TUBAL3: variants seen among roughly 807,000 people sequenced by gnomAD.
The protein encoded by TUBAL3 is tubulin alpha chain-like 3.
TUBAL3 carries 16 observed loss-of-function variants against 15.5 expected under a neutral mutation model. The ratio of observed to expected loss-of-function variants is 1.04; its 90% CI spans 0.70 to 1.57. The LOEUF (loss-of-function observed/expected upper bound fraction) is 1.57. TUBAL3 is among the 40% of genes most tolerant of loss of function. The pLI, the probability that TUBAL3 is intolerant of heterozygous loss-of-function variation, is 0.00. For synonymous variants in TUBAL3, 238 were observed against 224.3 expected, an observed-to-expected ratio of 1.06 and a Z score of -0.55; for missense variants, 609 against 576.2, an observed-to-expected ratio of 1.06 and a Z score of -0.58.
rs1384869004 is a variant in TUBAL3, at chr10:5,401,032, C to G, written c.59G>C (p.Cys20Ser). 3.7e-6 allele frequency: 6 copies of G among 1,614,074 alleles called. No homozygotes were observed. The highest frequency in any genetic ancestry group is 5.1e-6 in the Non-Finnish European group (6 of 1,180,040). ...GQAGIQIGDA[C>S]WELYCLEHGI... ...ATGTTCCAGGCAATAGAGTTCCCAG[C>G]AGGCGTCCCCAATCTGGATGCCAGC... Residue 20 changes from cysteine (C) to serine (S), a missense_variant, in exon 2 of 4, where the codon TGC (cysteine) becomes TCC (serine). Coordinates refer to ENST00000380419, the MANE Select transcript of TUBAL3 (RefSeq NM_024803.3).
At chr10:5,403,178 A>G (rs550827929) in intron 1 of TUBAL3, among the ~76,000 whole-genome samples, 61 of 152,300 alleles carry the variant, frequency 4.0e-4, no homozygotes, top group African/African-American at 1.4e-3. Flanking sequence ...AGGACAAACT[A>G]ATATTCCACC....
In TUBAL3 at chr10:5,395,482, A is replaced by T; in HGVS notation, c.248-7T>A. On this transcript the variant is annotated splice_polypyrimidine_tract_variant and splice_region_variant and intron_variant, in intron 2 of 3. Transcript: ENST00000380419. This position sits in a 1 kb window ranked among gnomAD's most constrained non-coding sequence, Gnocchi z 4.6. ...TGGCCCGTCCGGATCCCATCTGCAG[A>T]GGGTGAAAGGAGGTCAGTGCAACTC... is the stretch of plus-strand genomic sequence containing the variant. 6.7e-7 allele frequency: 1 copy of T among 1,501,742 alleles called. No homozygotes were observed. The highest frequency in any genetic ancestry group is 9.0e-7 in the Non-Finnish European group (1 of 1,113,426). 93.0% of individuals were successfully genotyped at this position (1,501,742 alleles called of 1,614,324 possible).
Position 5,394,704 on chromosome 10 carries a change from C to G in TUBAL3, c.397-243G>C, listed in dbSNP as rs1264458448. ...AGCATAAATATCCACCTGTCTTTCA[C>G]TGACCTCTGTGCATTTATCGGTATG... On this transcript the variant is annotated intron_variant, in intron 3 of 3. Coordinates refer to ENST00000380419, the MANE Select transcript of TUBAL3 (RefSeq NM_024803.3). The surrounding 1 kb of genome is among the most constrained non-coding windows in gnomAD (Gnocchi z 4.3). 2.0e-5 allele frequency among the ~76,000 whole-genome samples: 3 copies of G among 152,202 alleles called. No individual in the cohort carries two copies. Among genetic ancestry groups the G allele is most frequent in the African/African-American group, 7.2e-5 (3 of 41,448 alleles).
intron 2 of TUBAL3, among the ~76,000 whole-genome samples, chr10:5,398,356 G>T (rs1330448548): frequency 6.7e-6 from 1 of 149,226 alleles, no homozygotes; most frequent in East Asian, 2.0e-4. Context: ...GGAGGCACAG[G>T]TTGCAGTGAG....
rs1554814930 is a variant in TUBAL3 at position 5,404,816 on chromosome 10, G to C, written c.-24C>G. 2.5e-6 allele frequency: 4 copies of C among 1,612,908 alleles called. No homozygotes were observed. Among genetic ancestry groups the C allele is most frequent in the Non-Finnish European group, 3.4e-6 (4 of 1,179,216 alleles). On this transcript the variant is annotated 5_prime_UTR_variant, in exon 1 of 4. Coordinates refer to ENST00000380419, the MANE Select transcript of TUBAL3 (RefSeq NM_024803.3). ...ATGCTGATGAGAACGTGCCCTTCCT[G>C]CCCTGTAGTAATGACTGAGGAGCCT...
Position 5,395,478 on chromosome 10 carries a change from G to A in TUBAL3, c.248-3C>T. On this transcript the variant is annotated splice_polypyrimidine_tract_variant and splice_region_variant and intron_variant, in intron 2 of 3. Transcript: ENST00000380419. The surrounding 1 kb of genome is among the most constrained non-coding windows in gnomAD (Gnocchi z 4.6). ...GTGCTGGCCCGTCCGGATCCCATCT[G>A]CAGAGGGTGAAAGGAGGTCAGTGCA... 2.0e-6 allele frequency: 3 copies of A among 1,517,106 alleles called. No homozygotes were observed. The highest frequency in any genetic ancestry group is 2.5e-5 in the South Asian group (2 of 78,642). 94.0% of individuals were successfully genotyped at this position (1,517,106 alleles called of 1,614,324 possible).
In TUBAL3 at chr10:5,393,436, A is replaced by T; in HGVS notation, c.*81T>A. 7.8e-7 allele frequency: 1 copy of T among 1,275,752 alleles called. No homozygotes were observed. The highest frequency in any genetic ancestry group is 1.1e-6 in the Non-Finnish European group (1 of 927,178). 79.0% of individuals were successfully genotyped at this position (1,275,752 alleles called of 1,614,324 possible). On this transcript the variant is annotated 3_prime_UTR_variant, in exon 4 of 4. Coordinates refer to ENST00000380419, the MANE Select transcript of TUBAL3 (RefSeq NM_024803.3). ...GTTCATTTTTCTGCTCATCAGGGGA[A>T]CTACCCACTAGGCATATAACGGCTT... is the stretch of plus-strand genomic sequence containing the variant.
Position 5,395,598 on chromosome 10 carries a change from AG to A in TUBAL3, c.248-124del. ...ATGCTTTCTCTCAATATTGTGGTCC[AG>A]GAATGGAATTTAGATAGTGCTGAAT... On this transcript the variant is annotated intron_variant, in intron 2 of 3. Transcript: ENST00000380419. This position sits in a 1 kb window ranked among gnomAD's most constrained non-coding sequence, Gnocchi z 4.6. 1 of 1,133,224 alleles carries A rather than the reference AG, an allele frequency of 8.8e-7. No homozygotes were observed. Among genetic ancestry groups the A allele is most frequent in the Non-Finnish European group, 1.2e-6 (1 of 849,092 alleles). 70.2% of individuals were successfully genotyped at this position (1,133,224 alleles called of 1,614,324 possible).
rs929940295 is a variant in TUBAL3, at chr10:5,393,445, T to C, written c.*72A>G. 37 of 1,362,878 alleles carry C rather than the reference T, an allele frequency of 2.7e-5. No individual in the cohort carries two copies. The highest frequency in any genetic ancestry group is 3.6e-5 in the Non-Finnish European group (36 of 1,000,640). 84.4% of individuals were successfully genotyped at this position (1,362,878 alleles called of 1,614,324 possible). Reference sequence around the variant, plus strand: ...TCTGCTCATCAGGGGAACTACCCACTAGGCATATAACGGCTTGAAAAGAAA... The same window carrying C: ...TCTGCTCATCAGGGGAACTACCCACCAGGCATATAACGGCTTGAAAAGAAA... On this transcript the variant is annotated 3_prime_UTR_variant, in exon 4 of 4. Transcript: ENST00000380419.
rs934260221 is a variant in TUBAL3 at position 5,394,477 on chromosome 10, G to A, written c.397-16C>T. 1.9e-6 allele frequency: 3 copies of A among 1,566,132 alleles called. No homozygotes were observed. In the African/African-American group the frequency reaches 4.1e-5, roughly 21 times the overall value. On this transcript the variant is annotated splice_polypyrimidine_tract_variant and intron_variant, in intron 3 of 3. Coordinates refer to ENST00000380419, the MANE Select transcript of TUBAL3 (RefSeq NM_024803.3). This position sits in a 1 kb window ranked among gnomAD's most constrained non-coding sequence, Gnocchi z 4.3. The stretch of plus-strand genomic sequence containing the variant: ...ACTGTTCTGCCTGGAGAAAGTAAAT[G>A]AGATGTGAGAATTCAGCTGAATAAA...
rs1831736223 is a variant in TUBAL3, at chr10:5,394,733, T to C, written c.397-272A>G. ...CCTCTGTGCATTTATCGGTATGTGA[T>C]CGCAAACAAGGCCTTCATCAATAAC... is the stretch of plus-strand genomic sequence containing the variant. On this transcript the variant is annotated intron_variant, in intron 3 of 3. Coordinates refer to ENST00000380419, the MANE Select transcript of TUBAL3 (RefSeq NM_024803.3). This position sits in a 1 kb window ranked among gnomAD's most constrained non-coding sequence, Gnocchi z 4.3. 6.6e-6 allele frequency among the ~76,000 whole-genome samples: 1 copy of C among 152,232 alleles called. No individual in the cohort carries two copies. Among genetic ancestry groups the C allele is most frequent in the African/African-American group, 2.4e-5 (1 of 41,462 alleles).
rs1184547569 is a variant in TUBAL3 at position 5,393,228 on chromosome 10, T to C, written c.*289A>G. ...GAAAAGCATAAACTTCAGGATTTCA[T>C]TGTCTCTTGGTAAAACAAAAAAATC... On this transcript the variant is annotated 3_prime_UTR_variant, in exon 4 of 4. Coordinates refer to ENST00000380419, the MANE Select transcript of TUBAL3 (RefSeq NM_024803.3). The C allele has an allele frequency of 6.3e-6, 2 of 319,152 alleles. No homozygotes were observed. Among genetic ancestry groups the C allele is most frequent in the Non-Finnish European group, 1.1e-5 (2 of 175,748 alleles). The allele number at this position is 319,152 out of a possible 1,614,324, so 19.8% of individuals were successfully genotyped here.
Position 5,400,912 on chromosome 10 carries a change from A to T in TUBAL3, c.179T>A (p.Phe60Tyr), listed in dbSNP as rs782561379. 8 of 1,614,232 alleles carry T rather than the reference A, an allele frequency of 5.0e-6. No individual in the cohort carries two copies. The South Asian group carries it at 8.8e-5, about 18-fold the overall frequency. Residue 60 changes from phenylalanine to tyrosine, a missense_variant, in exon 2 of 4, where the codon TTC becomes TAC. Physicochemically the swap from Phe to Tyr is conservative, Grantham distance 22. Coordinates refer to ENST00000380419, the MANE Select transcript of TUBAL3 (RefSeq NM_024803.3). ...EHTNASFDTF[F>Y]CETRAGKHVP... ...ATGCTTCCCAGCTCTTGTCTCACAG[A>T]AGAAGGTATCGAAAGATGCATTTGT...
At chr10:5,400,793 T>C (rs1463488005) in intron 2 of TUBAL3, 51 bp downstream of exon 2, 1 of 1,608,564 alleles carries the variant, frequency 6.2e-7, no homozygotes, top group African/African-American at 1.3e-5. Flanking sequence ...CCACTTGATT[T>C]GTTTGAGTGT....
chr10:5,395,373 A>G lies in TUBAL3; in HGVS notation c.350T>C (p.Val117Ala). Residue 117 changes from valine (V) to alanine (A), a missense_variant, in exon 3 of 4, where the codon GTG becomes GCG. Coordinates refer to ENST00000380419, the MANE Select transcript of TUBAL3 (RefSeq NM_024803.3). This position sits in a 1 kb window ranked among gnomAD's most constrained non-coding sequence, Gnocchi z 4.6. ...CACAAGGTCGATGACCTCCGACCCC[A>G]CAGAGTAACGGCCTCGCGCGTAATT... ...ANNYARGRYS[V>A]GSEVIDLVLE... The G allele has an allele frequency of 6.2e-7, 1 of 1,604,852 alleles. No homozygotes were observed. The highest frequency in any genetic ancestry group is 1.7e-5 in the Admixed American group (1 of 59,306).
At chr10:5,403,752 C>T (rs1169105934) in intron 1 of TUBAL3, among the ~76,000 whole-genome samples, 2 of 151,640 alleles carry the variant, frequency 1.3e-5, no homozygotes, top group Non-Finnish European at 2.9e-5. Context: ...CCTTTTTTTC[C>T]AAATTCTCTA....
At chr10:5,403,389 A>C (rs1369286367) in intron 1 of TUBAL3, among the ~76,000 whole-genome samples, 1 of 152,232 alleles carries the variant, frequency 6.6e-6, no homozygotes, top group Non-Finnish European at 1.5e-5. Context: ...TTGTTTCTAC[A>C]TCATTAAAAC....
In TUBAL3 at chr10:5,397,797, G is replaced by A. The variant is rs889426133; in HGVS notation, c.248-2322C>T. Among the ~76,000 whole-genome samples, 1 of 152,104 alleles carries A rather than the reference G, an allele frequency of 6.6e-6. No homozygotes were observed. Among genetic ancestry groups the A allele is most frequent in the Non-Finnish European group, 1.5e-5 (1 of 68,028 alleles). On this transcript the variant is annotated intron_variant, in intron 2 of 3. Coordinates refer to ENST00000380419, the MANE Select transcript of TUBAL3 (RefSeq NM_024803.3). This position sits in a 1 kb window ranked among gnomAD's most constrained non-coding sequence, Gnocchi z 4.9. ...CTCCCACTTCCAAAATCTTAAACAT[G>A]CAAATTCCTTTTTCTGACCACAACT...
chr10:5,400,840 G>A lies in TUBAL3; in HGVS notation c.247+4C>T, dbSNP rs1554814563. On this transcript the variant is annotated splice_donor_region_variant and intron_variant, in intron 2 of 3. Coordinates refer to ENST00000380419, the MANE Select transcript of TUBAL3 (RefSeq NM_024803.3). The stretch of plus-strand genomic sequence containing the variant: ...AGTATGCTAGAATGGAACATTTATT[G>A]TACCTATAACAGTTGGCTCCAAGTC... 2 of 1,614,066 alleles carry A rather than the reference G, an allele frequency of 1.2e-6. No homozygotes were observed. Among genetic ancestry groups the A allele is most frequent in the Admixed American group, 1.7e-5 (1 of 60,016 alleles).
Sources: allele counts gnomAD v4.1 joint callset (sites outside exome capture counted in the v4.1 genomes callset), GRCh38; gene constraint gnomAD v4.1.1; non-coding constraint Gnocchi (gnomAD v3.1); transcripts MANE v1.5; gene names NCBI Gene and HGNC (gene_info 2026-07-23, HGNC 2026-07-21).